Variants in STXBP5L observed in about 807,000 individuals in gnomAD.
The protein encoded by STXBP5L is syntaxin-binding protein 5-like.
A neutral mutation model predicts 144.5 loss-of-function variants in STXBP5L; 65 were observed. The ratio of observed to expected loss-of-function variants is 0.45; its 90% CI spans 0.37 to 0.55. The LOEUF (loss-of-function observed/expected upper bound fraction) is 0.55. STXBP5L is among the 20% of genes least tolerant of loss of function. STXBP5L has a pLI of 0.00. For missense variants in STXBP5L, 1,298 were observed against 1,405.5 expected, an observed-to-expected ratio of 0.92 and a Z score of 1.22; for synonymous variants, 505 against 469.6, an observed-to-expected ratio of 1.08 and a Z score of -0.97.
chr3:121,136,098 G>T (rs890571214), intron 7 of STXBP5L, among the ~76,000 whole-genome samples: 7 of 152,190 alleles, frequency 4.6e-5, no homozygotes, highest in African/African-American at 1.7e-4. Flanking sequence ...ATGCCCTGGT[G>T]CCATTCTCAT....
chr3:121,374,328 T>G (rs1240999928), intron 20 of STXBP5L, among the ~76,000 whole-genome samples: 2 of 152,178 alleles, frequency 1.3e-5, no homozygotes, highest in Non-Finnish European at 2.9e-5. Flanking sequence ...TGGAAGCTAC[T>G]TTATAAAATT....
chr3:121,291,649 T>C (rs140040377), intron 19 of STXBP5L, among the ~76,000 whole-genome samples: 2 of 152,272 alleles, frequency 1.3e-5, no homozygotes, highest in Non-Finnish European at 2.9e-5. Context: ...GTTACTTGAC[T>C]TCAAACTACA....
intron 11 of STXBP5L, among the ~76,000 whole-genome samples, chr3:121,232,653 A>G (rs1049691095): frequency 3.3e-5 from 5 of 152,172 alleles, no homozygotes; most frequent in African/African-American, 1.2e-4. Context: ...CAACTTTGTT[A>G]TTGAACTAAA....
intron 19 of STXBP5L, among the ~76,000 whole-genome samples, chr3:121,306,972 G>A (rs2043357628): frequency 6.6e-6 from 1 of 152,026 alleles, no homozygotes; most frequent in Non-Finnish European, 1.5e-5. Flanking sequence ...TATTAACAGA[G>A]GCAGACAGGT....
At chr3:121,376,480 T>A (rs2046187153) in intron 20 of STXBP5L, among the ~76,000 whole-genome samples, 1 of 152,226 alleles carries the variant, frequency 6.6e-6, no homozygotes, top group African/African-American at 2.4e-5. Context: ...CACCATTGAT[T>A]AAATAGGGAA....
At chr3:121,264,805 CAAAAAA>C in intron 18 of STXBP5L, among the ~76,000 whole-genome samples, 1 of 114,400 alleles carries the variant, frequency 8.7e-6, no homozygotes, top group East Asian at 2.5e-4. Flanking sequence ...ATGGAAAGCA[CAAAAAA>C]AAAAAAAAAA....
intron 20 of STXBP5L, among the ~76,000 whole-genome samples, chr3:121,335,351 A>T (rs1438081469): frequency 2.0e-5 from 3 of 152,206 alleles, no homozygotes; most frequent in Non-Finnish European, 4.4e-5. Flanking sequence ...GGATAGGAAG[A>T]ATCAATATCA....
intron 23 of STXBP5L, among the ~76,000 whole-genome samples, chr3:121,411,290 T>C (rs1222365029): frequency 1.3e-5 from 2 of 152,042 alleles, no homozygotes; most frequent in Admixed American, 6.6e-5. Context: ...CCATTTTACA[T>C]AGTAAATTTC....
At chr3:121,057,173 G>A (rs1250376211) in intron 5 of STXBP5L, among the ~76,000 whole-genome samples, 3 of 151,832 alleles carry the variant, frequency 2.0e-5, no homozygotes, top group Admixed American at 6.6e-5. Flanking sequence ...CTGAGCAAAA[G>A]AAGCCGAAAG....
chr3:121,012,240 C>A (rs934758664), intron 3 of STXBP5L, among the ~76,000 whole-genome samples: 1 of 151,690 alleles, frequency 6.6e-6, no homozygotes, highest in African/African-American at 2.4e-5. Context: ...TGCCTTTCTA[C>A]TTCTTGGTTA....
intron 19 of STXBP5L, among the ~76,000 whole-genome samples, chr3:121,300,974 G>T (rs1348690140): frequency 6.6e-6 from 1 of 152,174 alleles, no homozygotes; most frequent in East Asian, 1.9e-4. Flanking sequence ...TCGAAGTCAG[G>T]TAGCGTGATG....
At chr3:120,994,238 G>GA (rs1187408693) in intron 3 of STXBP5L, among the ~76,000 whole-genome samples, 3 of 151,986 alleles carry the variant, frequency 2.0e-5, no homozygotes, top group Non-Finnish European at 4.4e-5. Context: ...TCTGCAAAGG[G>GA]ACAGTTTGAC....
chr3:121,342,943 A>G (rs1295733941), intron 20 of STXBP5L, among the ~76,000 whole-genome samples: 1 of 150,270 alleles, frequency 6.7e-6, no homozygotes, highest in Non-Finnish European at 1.5e-5. Context: ...CAATGGTTGA[A>G]CTAGTTTACA....
At chr3:121,147,149 C>A (rs2045744402) in intron 7 of STXBP5L, among the ~76,000 whole-genome samples, 1 of 151,984 alleles carries the variant, frequency 6.6e-6, no homozygotes, top group African/African-American at 2.4e-5. Context: ...ATAGTACTAG[C>A]AGACCACACA....
chr3:121,173,152 G>A (rs2046794189), intron 9 of STXBP5L, among the ~76,000 whole-genome samples: 1 of 151,930 alleles, frequency 6.6e-6, no homozygotes, highest in Admixed American at 6.6e-5. Context: ...ACACAGGGAG[G>A]GGAACATCAC....
At chr3:121,338,437 A>G (rs1165714948) in intron 20 of STXBP5L, among the ~76,000 whole-genome samples, 1 of 151,938 alleles carries the variant, frequency 6.6e-6, no homozygotes, top group Non-Finnish European at 1.5e-5. Flanking sequence ...TGAGGTCAAG[A>G]GTTTGAGACC....
chr3:121,331,847 A>G (rs2044330095), intron 20 of STXBP5L, among the ~76,000 whole-genome samples: 1 of 152,224 alleles, frequency 6.6e-6, no homozygotes, highest in Admixed American at 6.5e-5. Flanking sequence ...CCAATGGGGA[A>G]CAAGATAAGC....
intron 20 of STXBP5L, among the ~76,000 whole-genome samples, chr3:121,325,353 C>A (rs963327854): frequency 1.3e-5 from 2 of 152,140 alleles, no homozygotes; most frequent in East Asian, 3.9e-4. Context: ...AACACCCCAG[C>A]ATATGCCTTT....
Position 120,945,447 on chromosome 3 carries a change from A to G in STXBP5L, c.190-9493A>G, listed in dbSNP as rs143173950. ...ATATTATTAAGTGAAACCTGGTACA[A>G]TGCTTCTAGGAGTTCTGTGTTCAAA... On this transcript the variant is annotated intron_variant, in intron 2 of 26. Transcript: ENST00000471454. 1.1e-4 allele frequency among the ~76,000 whole-genome samples: 17 copies of G among 151,906 alleles called. No individual in the cohort carries two copies. In the East Asian group the frequency reaches 2.1e-3, roughly 19 times the overall value.
Sources: gnomAD v4.1 joint callset for allele counts (sites outside exome capture counted in the v4.1 genomes callset) on GRCh38, gnomAD v4.1.1 for gene constraint, MANE v1.5 for transcripts, NCBI Gene and HGNC (gene_info 2026-07-23, HGNC 2026-07-21) for gene names.